Variants in RABGAP1L observed in about 807,000 individuals in gnomAD.
RABGAP1L encodes the protein rab GTPase-activating protein 1-like.
A neutral mutation model predicts 137.7 loss-of-function variants in RABGAP1L; 63 were observed. The observed-to-expected ratio is 0.46, with a 90% CI of 0.37 to 0.56. The LOEUF is 0.56. Among genes scored for constraint, RABGAP1L ranks in the 20% least tolerant of loss-of-function variants. The pLI is 0.00. For synonymous variants in RABGAP1L, 431 were observed against 433.7 expected (o/e 0.99, Z 0.08); for missense variants, 1,095 against 1,244.0 (o/e 0.88, Z 1.80).
At chr1:174,534,798 A>AT (rs1664765631) in intron 13 of RABGAP1L, among the ~76,000 whole-genome samples, 1 of 142,696 alleles carries the variant, frequency 7.0e-6, no homozygotes, top group Non-Finnish European at 1.5e-5. Flanking sequence ...AAAAAAAAAA[A>AT]AAAAAATAAT....
intron 19 of RABGAP1L, chr1:174,921,976 T>C (rs924026643): frequency 3.3e-5 from 5 of 152,358 alleles, no homozygotes; most frequent in Admixed American, 6.5e-5. Flanking sequence ...TGAAACACTA[T>C]TGAAATCAAT....
chr1:174,734,137 A>G (rs1682735796), intron 17 of RABGAP1L, among the ~76,000 whole-genome samples: 1 of 152,220 alleles, frequency 6.6e-6, no homozygotes, highest in South Asian at 2.1e-4. Flanking sequence ...AGATTTTTAC[A>G]TGTTTTTGAT....
At chr1:174,350,448 A>C (rs1264292923) in intron 11 of RABGAP1L, among the ~76,000 whole-genome samples, 1 of 101,040 alleles carries the variant, frequency 9.9e-6, no homozygotes, top group Non-Finnish European at 2.0e-5. Flanking sequence ...CTCACATCCC[A>C]GATGGGGCGG....
intron 10 of RABGAP1L, among the ~76,000 whole-genome samples, chr1:174,282,748 C>T (rs1289769379): frequency 1.3e-5 from 2 of 152,202 alleles, no homozygotes; most frequent in East Asian, 1.9e-4. Context: ...TAGTTTCAGG[C>T]CTATTACCTA....
At chr1:174,699,951 A>AAAAT (rs1679523369) in intron 16 of RABGAP1L, among the ~76,000 whole-genome samples, 1 of 152,206 alleles carries the variant, frequency 6.6e-6, no homozygotes, top group Admixed American at 6.5e-5. Context: ...GAATGGAGAT[A>AAAAT]TTTACAGAGT....
intron 19 of RABGAP1L, among the ~76,000 whole-genome samples, chr1:174,856,609 T>C (rs1199833001): frequency 6.6e-6 from 1 of 152,010 alleles, no homozygotes; most frequent in Non-Finnish European, 1.5e-5. Context: ...TTTACTTTGC[T>C]ATTTTATGTA....
intron 1 of RABGAP1L, among the ~76,000 whole-genome samples, chr1:174,184,653 T>TA (rs1211649423): frequency 2.6e-5 from 4 of 152,224 alleles, no homozygotes; most frequent in Non-Finnish European, 5.9e-5. Context: ...ACTTTCAGAA[T>TA]ATCCCAGACA....
At chr1:174,561,996 T>C (rs978672200) in intron 13 of RABGAP1L, among the ~76,000 whole-genome samples, 1 of 152,178 alleles carries the variant, frequency 6.6e-6, no homozygotes, top group Non-Finnish European at 1.5e-5. Context: ...AAAGCCAAAA[T>C]TGACACATGG....
intron 13 of RABGAP1L, among the ~76,000 whole-genome samples, chr1:174,511,113 T>C (rs933528988): frequency 2.6e-5 from 4 of 152,194 alleles, no homozygotes; most frequent in Admixed American, 2.0e-4. Flanking sequence ...CAGGTTTGAA[T>C]AGATGTTTGA....
chr1:174,190,274 C>T (rs1397099667), intron 1 of RABGAP1L, among the ~76,000 whole-genome samples: 1 of 148,824 alleles, frequency 6.7e-6, no homozygotes, highest in Non-Finnish European at 1.5e-5. Context: ...CTGCACTCCA[C>T]CCTGGTGACA....
intron 13 of RABGAP1L, among the ~76,000 whole-genome samples, chr1:174,452,879 A>T (rs1400725253): frequency 1.3e-5 from 2 of 151,990 alleles, no homozygotes; most frequent in African/African-American, 4.8e-5. Flanking sequence ...CTGTTTTGTT[A>T]TCTTTGTGGG....
At position 174,500,726 on chromosome 1, in the gene RABGAP1L, T is replaced by C. The variant is rs1423839571; in HGVS notation, c.1710+106581T>C. ...TAATGCCATAACCTTCTGATATAGA[T>C]ATTATTATCCATAATTTCTTATTTC... is the stretch of plus-strand genomic sequence containing the variant. On this transcript the variant is annotated intron_variant, in intron 13 of 25. Coordinates refer to ENST00000681986, the MANE Select transcript of RABGAP1L (RefSeq NM_001366446.1). Among the ~76,000 whole-genome samples the C allele has an allele frequency of 2.0e-5, 3 of 152,184 alleles. No individual in the cohort carries two copies. In the East Asian group the frequency reaches 5.8e-4, roughly 29 times the overall value.
chr1:174,854,715 CTTTTTTTTTTTTTTTTTTTTTTTTTTT>C lies in RABGAP1L; in HGVS notation c.2340+42774_2340+42800del, dbSNP rs71117584. On this transcript the variant is annotated intron_variant, in intron 19 of 25. Coordinates refer to ENST00000681986, the MANE Select transcript of RABGAP1L (RefSeq NM_001366446.1). ...AACTGCAATAGACTCAATATAAATG[CTTTTTTTTTTTTTTTTTTTTTTTTTTT>C]TTTTTTTTTTTTTTTTTTGAGACGT... Among the ~76,000 whole-genome samples the C allele has an allele frequency of 6.2e-3, 352 of 56,836 alleles. 3 individuals are homozygous for C. The highest frequency in any genetic ancestry group is 0.022 in the African/African-American group (295 of 13,606). The allele number at this position is 56,836 out of a possible 152,430, so 37.3% of individuals were successfully genotyped here. A position where few individuals can be genotyped will look rare whatever the true frequency, so the allele number is the denominator to read the frequency against.
At chr1:174,215,468 A>AT (rs1187622946) in intron 1 of RABGAP1L, among the ~76,000 whole-genome samples, 3,005 of 149,008 alleles carry the variant, frequency 0.02, 57 homozygotes, top group African/African-American at 0.05. Context: ...AAAAAAAAAA[A>AT]ATAATAATAA....
chr1:174,638,990 T>A (rs56292878), intron 14 of RABGAP1L, among the ~76,000 whole-genome samples: 52,277 of 142,558 alleles, frequency 0.37, 11,699 homozygotes, highest in African/African-American at 0.66. Flanking sequence ...TACATATGTA[T>A]CTAACCTGCA....
At chr1:174,225,494 CTTT>C (rs59323156) in intron 3 of RABGAP1L, among the ~76,000 whole-genome samples, 30 of 105,700 alleles carry the variant, frequency 2.8e-4, no homozygotes, top group African/African-American at 9.0e-4. Context: ...AGAATGTTGA[CTTT>C]TTTTTTTTTT....
At chr1:174,532,509 A>G (rs1664509720) in intron 13 of RABGAP1L, among the ~76,000 whole-genome samples, 1 of 152,152 alleles carries the variant, frequency 6.6e-6, no homozygotes, top group South Asian at 2.1e-4. Context: ...GCTCAGCCAG[A>G]TGTTTTTCAA....
At chr1:174,168,962 AAT>A (rs933596654) in intron 1 of RABGAP1L, among the ~76,000 whole-genome samples, 13 of 152,236 alleles carry the variant, frequency 8.5e-5, no homozygotes, top group African/African-American at 2.9e-4. Context: ...CCATCACCTG[AAT>A]ATCCACCATT....
chr1:174,716,857 G>T (rs1193803892), intron 17 of RABGAP1L, among the ~76,000 whole-genome samples: 1 of 152,046 alleles, frequency 6.6e-6, no homozygotes, highest in Non-Finnish European at 1.5e-5. Context: ...ATCATGTCTG[G>T]TAATTATTTC....
Sources: gnomAD v4.1 joint callset for allele counts (sites outside exome capture counted in the v4.1 genomes callset) on GRCh38, gnomAD v4.1.1 for gene constraint, MANE v1.5 for transcripts, NCBI Gene and HGNC (gene_info 2026-07-23, HGNC 2026-07-21) for gene names.